ITGA9: variants seen among roughly 807,000 people sequenced by gnomAD.
The protein encoded by ITGA9 is integrin alpha-9.
ITGA9 carries 56 observed loss-of-function variants against 127.8 expected under a neutral mutation model. The observed-to-expected ratio is 0.44, with a 90% CI of 0.35 to 0.55. The LOEUF is 0.55. ITGA9 is among the 20% of genes least tolerant of loss of function. The pLI is 0.00. For missense variants in ITGA9, 1,196 were observed against 1,347.1 expected (o/e 0.89, Z 1.76); for synonymous variants, 508 against 514.5 (o/e 0.99, Z 0.17).
chr3:37,476,612 C>G (rs961885313), intron 3 of ITGA9, among the ~76,000 whole-genome samples: 2 of 152,170 alleles, frequency 1.3e-5, no homozygotes, highest in Non-Finnish European at 2.9e-5. Flanking sequence ...AAGGCTTGTC[C>G]TAAGTCCCCT....
intron 2 of ITGA9, among the ~76,000 whole-genome samples, chr3:37,472,202 C>A (rs961721964): frequency 6.6e-6 from 1 of 152,180 alleles, no homozygotes; most frequent in African/African-American, 2.4e-5. Flanking sequence ...AGTTCCCTCA[C>A]CTTCAAGATC....
At chr3:37,683,197 C>T (rs1400922589) in intron 17 of ITGA9, among the ~76,000 whole-genome samples, 1 of 152,200 alleles carries the variant, frequency 6.6e-6, no homozygotes. Flanking sequence ...GTTACCTGCA[C>T]ATGCCAGGCA....
rs60210185 is a variant in ITGA9 at position 37,547,173 on chromosome 3, G to A, written c.1689+4588G>A. ...AGACACTGTCAAGAAGGCCAATAAC[G>A]GTATTATTGTTAAAAACAAAACAAA... On this transcript the variant is annotated intron_variant, in intron 15 of 27. Coordinates refer to ENST00000264741, the MANE Select transcript of ITGA9 (RefSeq NM_002207.3). 7.9e-5 allele frequency among the ~76,000 whole-genome samples: 12 copies of A among 152,164 alleles called. No individual in the cohort carries two copies. The East Asian group carries it at 2.1e-3, about 27-fold the overall frequency.
In ITGA9 at chr3:37,653,720, T is replaced by C; in HGVS notation, c.1846T>C (p.Phe616Leu). Residue 616 changes from phenylalanine (F) to leucine (L), a missense_variant, in exon 17 of 28, where the codon TTT becomes CTT. Coordinates refer to ENST00000264741, the MANE Select transcript of ITGA9 (RefSeq NM_002207.3). Reference protein sequence around the residue: ...QKIAQKNQTVFERNCRSEDCA... With the variant: ...QKIAQKNQTVLERNCRSEDCA... ...TCTCCTGTCTTTCTCACAGACTGTTTTTGAAAGGAATTGCCGTTCAGAGGA... is the reference window on the plus strand; with the variant it reads ...TCTCCTGTCTTTCTCACAGACTGTTCTTGAAAGGAATTGCCGTTCAGAGGA... 2 of 1,613,340 alleles carry C rather than the reference T, an allele frequency of 1.2e-6. No individual in the cohort carries two copies. Among genetic ancestry groups the C allele is most frequent in the Non-Finnish European group, 1.7e-6 (2 of 1,179,308 alleles).
chr3:37,778,065 C>G (rs1696929116), intron 24 of ITGA9, among the ~76,000 whole-genome samples: 1 of 152,156 alleles, frequency 6.6e-6, no homozygotes, highest in East Asian at 1.9e-4. Flanking sequence ...TGAAAAATAA[C>G]AAACTACTGC....
intron 15 of ITGA9, among the ~76,000 whole-genome samples, chr3:37,601,168 T>C (rs1244527661): frequency 2.6e-5 from 4 of 152,148 alleles, no homozygotes; most frequent in Non-Finnish European, 5.9e-5. Context: ...CCTAGCCTTA[T>C]TGGATGGAAA....
chr3:37,649,649 A>G (rs1157693908), intron 16 of ITGA9, among the ~76,000 whole-genome samples: 1 of 152,248 alleles, frequency 6.6e-6, no homozygotes, highest in Non-Finnish European at 1.5e-5. Context: ...AATAATGGAT[A>G]GGACATCTAG....
intron 18 of ITGA9, among the ~76,000 whole-genome samples, chr3:37,707,977 G>C (rs918606500): frequency 1.3e-5 from 2 of 152,124 alleles, no homozygotes; most frequent in East Asian, 1.9e-4. Flanking sequence ...GTAGCTCAAA[G>C]GTGTTCCCAT....
chr3:37,465,730 C>T (rs527604665), intron 1 of ITGA9, among the ~76,000 whole-genome samples: 1 of 152,296 alleles, frequency 6.6e-6, no homozygotes, highest in Non-Finnish European at 1.5e-5. Flanking sequence ...GGTCTTTTCT[C>T]TTCCAAACCC....
chr3:37,515,003 CAGG>C (rs1046977854), intron 9 of ITGA9, among the ~76,000 whole-genome samples: 3 of 152,184 alleles, frequency 2.0e-5, no homozygotes, highest in African/African-American at 7.2e-5. Flanking sequence ...ATCGTGGAAG[CAGG>C]AGACCAGTGA....
At chr3:37,570,328 G>A (rs944417010) in intron 15 of ITGA9, among the ~76,000 whole-genome samples, 5 of 152,226 alleles carry the variant, frequency 3.3e-5, no homozygotes, top group Non-Finnish European at 7.3e-5. Context: ...AGCTGGGTGG[G>A]ACCCTTTGGG....
intron 27 of ITGA9, among the ~76,000 whole-genome samples, chr3:37,815,299 T>C (rs934465660): frequency 2.0e-5 from 3 of 152,160 alleles, no homozygotes; most frequent in Admixed American, 2.0e-4. Context: ...CTTTTGCTCT[T>C]AGAGATGAAC....
At position 37,506,024 on chromosome 3, in the gene ITGA9, T is replaced by C; in HGVS notation, c.767T>C (p.Phe256Ser). 6.2e-7 allele frequency: 1 copy of C among 1,609,502 alleles called. No individual in the cohort carries two copies. Among genetic ancestry groups the C allele is most frequent in the Non-Finnish European group, 8.5e-7 (1 of 1,178,144 alleles). Reference protein sequence around the residue: ...YLGYAVTAGHFSHPSTIDVVG... With the variant: ...YLGYAVTAGHSSHPSTIDVVG... ...GGCTACGCAGTGACCGCTGGCCACT[T>C]CTCTCACCCGTCCACCATTGATGTG... Residue 256 changes from phenylalanine (F) to serine (S), a missense_variant, in exon 7 of 28, where the codon TTC (phenylalanine) becomes TCC (serine). Transcript: ENST00000264741.
At position 37,752,986 on chromosome 3, in the gene ITGA9, G is replaced by A. The variant is rs569456319; in HGVS notation, c.2541+2417G>A. Among the ~76,000 whole-genome samples, 5 of 152,302 alleles carry A rather than the reference G, an allele frequency of 3.3e-5. No individual in the cohort carries two copies. The South Asian group carries it at 6.2e-4, about 19-fold the overall frequency. On this transcript the variant is annotated intron_variant, in intron 23 of 27. Transcript: ENST00000264741. ...GTATTTACCTTAAAAACAGAGCCAC[G>A]GTGGTGGCCTGAGGAAAGACTATCA...
intron 15 of ITGA9, among the ~76,000 whole-genome samples, chr3:37,617,165 C>G (rs1465744504): frequency 6.6e-6 from 1 of 151,934 alleles, no homozygotes; most frequent in Admixed American, 6.6e-5. Flanking sequence ...CTGGTGGTGA[C>G]AAAATCTCTC....
chr3:37,796,524 C>A (rs960363466), intron 26 of ITGA9, among the ~76,000 whole-genome samples: 2 of 151,848 alleles, frequency 1.3e-5, no homozygotes, highest in African/African-American at 4.8e-5. Flanking sequence ...GAACGACGGA[C>A]AGACGGATGG....
At chr3:37,658,414 G>A (rs1700499020) in intron 17 of ITGA9, among the ~76,000 whole-genome samples, 1 of 152,084 alleles carries the variant, frequency 6.6e-6, no homozygotes, top group Non-Finnish European at 1.5e-5. Context: ...TCTTCTTGTT[G>A]CATGATCCCT....
intron 21 of ITGA9, among the ~76,000 whole-genome samples, chr3:37,743,388 C>G (rs528829598): frequency 6.6e-6 from 1 of 152,174 alleles, no homozygotes; most frequent in African/African-American, 2.4e-5. Flanking sequence ...TTGAATTCTT[C>G]TCACCTCTTA....
intron 13 of ITGA9, among the ~76,000 whole-genome samples, chr3:37,527,447 G>GT (rs1304988443): frequency 6.6e-6 from 1 of 152,196 alleles, no homozygotes; most frequent in African/African-American, 2.4e-5. Flanking sequence ...CTGCTTCTCA[G>GT]TCTTGTGTCT....
Sources: gnomAD v4.1 joint callset for allele counts (sites outside exome capture counted in the v4.1 genomes callset) on GRCh38, gnomAD v4.1.1 for gene constraint, MANE v1.5 for transcripts, NCBI Gene and HGNC (gene_info 2026-07-23, HGNC 2026-07-21) for gene names.